The following STARD13 variants were observed in gnomAD, a reference collection of about 807,000 sequenced individuals.
The protein encoded by STARD13 is stAR-related lipid transfer protein 13.
STARD13 carries 62 observed loss-of-function variants against 106.4 expected under a neutral mutation model. The observed-to-expected ratio is 0.58, with a 90% CI of 0.48 to 0.72. The LOEUF (loss-of-function observed/expected upper bound fraction) is 0.72, where lower values mean the gene tolerates loss of function less well. Among genes scored for constraint, STARD13 ranks in the 30% least tolerant of loss-of-function variants. The pLI is 0.00. For missense variants in STARD13, 1,387 were observed against 1,424.0 expected, an observed-to-expected ratio of 0.97 and a Z score of 0.42; for synonymous variants, 565 against 553.0, an observed-to-expected ratio of 1.02 and a Z score of -0.31.
chr13:33,531,456 A>G, the STARD13 span, among the ~76,000 whole-genome samples: 6 of 152,194 alleles, frequency 3.9e-5, no homozygotes, highest in African/African-American at 7.2e-5. Flanking sequence ...TGCCTTGTCA[A>G]TTTGGTTTCT....
chr13:33,542,533 A>T, the STARD13 span, among the ~76,000 whole-genome samples: 3 of 152,202 alleles, frequency 2.0e-5, no homozygotes, highest in Middle Eastern at 3.2e-3. Flanking sequence ...ACGTCCCCAA[A>T]GTGCGCAAGC....
chr13:33,478,824 G>A, the STARD13 span, among the ~76,000 whole-genome samples: 3 of 152,194 alleles, frequency 2.0e-5, no homozygotes, highest in East Asian at 5.8e-4. Context: ...GCTGAGGTGG[G>A]AGGATTGATT....
At chr13:33,300,548 C>T (rs935266176) in intron 1 of STARD13, among the ~76,000 whole-genome samples, 1 of 152,154 alleles carries the variant, frequency 6.6e-6, no homozygotes, top group Non-Finnish European at 1.5e-5. Flanking sequence ...TCAGTCCAAC[C>T]TTGTTCATTG....
the STARD13 span, among the ~76,000 whole-genome samples, chr13:33,440,943 C>T: frequency 6.6e-6 from 1 of 151,302 alleles, no homozygotes; most frequent in Non-Finnish European, 1.5e-5. Context: ...TGCACATTTG[C>T]CTTTGGACAT....
the STARD13 span, among the ~76,000 whole-genome samples, chr13:33,437,074 A>G: frequency 3.9e-5 from 6 of 152,220 alleles, no homozygotes; most frequent in African/African-American, 1.4e-4. Context: ...AAGAAAAAGT[A>G]AAAATTAAAA....
At chr13:33,418,958 AG>A in the STARD13 span, among the ~76,000 whole-genome samples, 2 of 152,238 alleles carry the variant, frequency 1.3e-5, no homozygotes, top group Non-Finnish European at 2.9e-5. Context: ...CCCCACCTGT[AG>A]GTCACCAATA....
chr13:33,543,767 G>T, the STARD13 span, among the ~76,000 whole-genome samples: 1 of 152,184 alleles, frequency 6.6e-6, no homozygotes, highest in East Asian at 1.9e-4. Flanking sequence ...GATTAGTGTA[G>T]CTCTAGTAAA....
At chr13:33,240,658 T>C (rs1043877624) in intron 1 of STARD13, among the ~76,000 whole-genome samples, 3 of 151,920 alleles carry the variant, frequency 2.0e-5, no homozygotes, top group African/African-American at 7.2e-5. Context: ...TCCTTAAGTA[T>C]TTTATCCTTA....
At chr13:33,241,023 T>C (rs1251207733) in intron 1 of STARD13, among the ~76,000 whole-genome samples, 1 of 152,240 alleles carries the variant, frequency 6.6e-6, no homozygotes, top group East Asian at 1.9e-4. Flanking sequence ...AGAGATACTT[T>C]CATTTATCAC....
chr13:33,632,026 A>T, the STARD13 span, among the ~76,000 whole-genome samples: 1 of 152,230 alleles, frequency 6.6e-6, no homozygotes, highest in Non-Finnish European at 1.5e-5. Flanking sequence ...AAAGGAAGCC[A>T]GTTTTTGCCA....
At chr13:33,107,808 T>C (rs1051011528) in intron 12 of STARD13, among the ~76,000 whole-genome samples, 2 of 152,042 alleles carry the variant, frequency 1.3e-5, no homozygotes, top group Non-Finnish European at 2.9e-5. Context: ...TATGAGAACA[T>C]CTCTGTAACA....
the STARD13 span, among the ~76,000 whole-genome samples, chr13:33,367,285 T>G: frequency 6.6e-6 from 1 of 152,230 alleles, no homozygotes; most frequent in Admixed American, 6.5e-5. Flanking sequence ...TTTCCAGATC[T>G]TCTTTCAATT....
At chr13:33,621,712 T>G in the STARD13 span, among the ~76,000 whole-genome samples, 1 of 149,248 alleles carries the variant, frequency 6.7e-6, no homozygotes, top group African/African-American at 2.5e-5. Context: ...TTCAAAAATC[T>G]GAGAAGCTTA....
At chr13:33,270,820 G>T (rs532299247) in intron 1 of STARD13, among the ~76,000 whole-genome samples, 1 of 152,288 alleles carries the variant, frequency 6.6e-6, no homozygotes, top group Admixed American at 6.5e-5. Flanking sequence ...AGTTTAGGCT[G>T]CTTATAATGG....
chr13:33,110,941 T>G (rs1453847812), intron 10 of STARD13, 34 bp from the exon 11 acceptor site: 26 of 1,577,770 alleles, frequency 1.6e-5, no homozygotes, highest in Non-Finnish European at 2.3e-5. Flanking sequence ...GGCAACACAC[T>G]GAGCCAAAGA....
chr13:33,357,300 T>C, the STARD13 span, among the ~76,000 whole-genome samples: 3 of 152,202 alleles, frequency 2.0e-5, no homozygotes, highest in African/African-American at 7.2e-5. Flanking sequence ...ACTCCAATTA[T>C]ATTTATTCCA....
chr13:33,616,991 G>A, the STARD13 span, among the ~76,000 whole-genome samples: 1 of 152,188 alleles, frequency 6.6e-6, no homozygotes, highest in Non-Finnish European at 1.5e-5. Context: ...TCCAGATAAT[G>A]AGGATAGGGT....
chr13:33,443,269 C>T, the STARD13 span, among the ~76,000 whole-genome samples: 8 of 151,284 alleles, frequency 5.3e-5, no homozygotes, highest in South Asian at 2.1e-4. Flanking sequence ...TCCAGCTACT[C>T]GGGAGGCTGA....
At chr13:33,127,340 A>G (rs762505032) in intron 6 of STARD13, 33 bp downstream of exon 6, 42 of 1,526,994 alleles carry the variant, frequency 2.8e-5, no homozygotes, top group Non-Finnish European at 2.6e-6. Flanking sequence ...CTCTAGAGCC[A>G]AGGATCCCCT....
Sources: gnomAD v4.1 joint callset for allele counts (sites outside exome capture counted in the v4.1 genomes callset) on GRCh38, gnomAD v4.1.1 for gene constraint, MANE v1.5 for transcripts, NCBI Gene and HGNC (gene_info 2026-07-23, HGNC 2026-07-21) for gene names.